DPH6: variants seen among roughly 807,000 people sequenced by gnomAD.
DPH6 encodes diphthine--ammonia ligase.
DPH6 carries 33 observed loss-of-function variants against 38.2 expected under a neutral mutation model. The observed-to-expected ratio is 0.86, with a 90% CI of 0.65 to 1.15. The LOEUF is 1.15. Among genes scored for constraint, DPH6 ranks in the 50% most tolerant of loss-of-function variants. DPH6 has a pLI of 0.00. For missense variants in DPH6, 325 were observed against 320.0 expected (o/e 1.02, Z -0.12); for synonymous variants, 108 against 103.0 (o/e 1.05, Z -0.30).
intron 2 of DPH6, among the ~76,000 whole-genome samples, chr15:35,541,509 G>C (rs1289755809): frequency 6.6e-6 from 1 of 152,036 alleles, no homozygotes; most frequent in Non-Finnish European, 1.5e-5. Flanking sequence ...TAAATTTACA[G>C]AATGCCTACT....
chr15:35,410,835 C>T lies in DPH6; in HGVS notation c.567G>A (p.Glu189=), dbSNP rs1197949357. The change falls in exon 6 of 9, where the codon GAG becomes GAA. Residue 189 remains glutamate (E), a splice_region_variant and synonymous_variant. Transcript: ENST00000256538. The part of the protein sequence containing the change: ...TLDQMEPYLI[E]LSKKYGVHVC... ...TTTGAGATCTAGTATAAATTCTTAC[C>T]TCTATGAGATAAGGCTCCATTTGAT... is the stretch of plus-strand genomic sequence containing the variant. 1.3e-6 allele frequency: 2 copies of T among 1,596,536 alleles called. No individual in the cohort carries two copies. Among genetic ancestry groups the T allele is most frequent in the Admixed American group, 1.7e-5 (1 of 58,106 alleles).
chr15:35,387,851 T>C (rs1019608877), intron 6 of DPH6, among the ~76,000 whole-genome samples: 4 of 152,146 alleles, frequency 2.6e-5, no homozygotes, highest in African/African-American at 7.2e-5. Flanking sequence ...TCCTGCCTGA[T>C]TGCCCTGGCC....
intron 3 of DPH6, among the ~76,000 whole-genome samples, chr15:35,496,555 C>CAAAAAAAAAAAA (rs1180094812): frequency 4.1e-5 from 2 of 49,254 alleles, no homozygotes; most frequent in African/African-American, 2.5e-4. Context: ...AGTTCCATCT[C>CAAAAAAAAAAAA]AAAAAAAAAA....
Position 35,451,838 on chromosome 15 carries a change from G to A in DPH6, c.387-1035C>T, listed in dbSNP as rs144006825. Among the ~76,000 whole-genome samples the A allele has an allele frequency of 7.4e-3, 1,121 of 152,130 alleles. 19 individuals carry two copies. The highest frequency in any genetic ancestry group is 0.026 in the African/African-American group (1,059 of 41,496). The stretch of plus-strand genomic sequence containing the variant: ...ATCCTGGCTAACACGGTGAAACCCC[G>A]TCTCTACTAAAAATACAAAAAATTA... On this transcript the variant is annotated intron_variant, in intron 4 of 8. Coordinates refer to ENST00000256538, the MANE Select transcript of DPH6 (RefSeq NM_080650.4).
chr15:35,433,356 T>C (rs925562410), intron 5 of DPH6, among the ~76,000 whole-genome samples: 1 of 152,158 alleles, frequency 6.6e-6, no homozygotes. Context: ...TTTATGAAGA[T>C]AGCTTTTCAA....
chr15:35,544,939 T>C (rs1002291977), intron 1 of DPH6, among the ~76,000 whole-genome samples: 1 of 152,248 alleles, frequency 6.6e-6, no homozygotes, highest in African/African-American at 2.4e-5. Context: ...TGGTTAAAGC[T>C]TAATCATTTA....
the DPH6 span, among the ~76,000 whole-genome samples, chr15:35,196,665 C>T: frequency 6.6e-6 from 1 of 152,204 alleles, no homozygotes; most frequent in Admixed American, 6.5e-5. Flanking sequence ...AGGCACTTGA[C>T]AATGTGTTGA....
At chr15:35,449,877 C>G (rs2053909225) in intron 5 of DPH6, among the ~76,000 whole-genome samples, 1 of 151,990 alleles carries the variant, frequency 6.6e-6, no homozygotes. Flanking sequence ...CTGAATGTAT[C>G]TGTAAAATCT....
At chr15:35,529,958 T>A (rs1340315646) in intron 3 of DPH6, among the ~76,000 whole-genome samples, 2 of 152,132 alleles carry the variant, frequency 1.3e-5, no homozygotes, top group Non-Finnish European at 2.9e-5. Context: ...TTTTGACGAT[T>A]TAATGATTTA....
chr15:35,233,605 C>G (rs2051533127), intron 3 of DPH6, among the ~76,000 whole-genome samples: 1 of 152,150 alleles, frequency 6.6e-6, no homozygotes, highest in South Asian at 2.1e-4. Flanking sequence ...TCCCTGGGAA[C>G]AGCTGAAGAA....
At chr15:35,174,040 T>C in the DPH6 span, among the ~76,000 whole-genome samples, 1 of 152,310 alleles carries the variant, frequency 6.6e-6, no homozygotes, top group East Asian at 1.9e-4. Flanking sequence ...ATTCTTCCAG[T>C]GTTATCGTGA....
intron 6 of DPH6, among the ~76,000 whole-genome samples, chr15:35,398,991 TA>T (rs1235898130): frequency 6.6e-6 from 1 of 152,088 alleles, no homozygotes; most frequent in African/African-American, 2.4e-5. Context: ...TCCCCTATAG[TA>T]AAACTCAGGG....
intron 3 of DPH6, among the ~76,000 whole-genome samples, chr15:35,355,370 C>T (rs1274565000): frequency 2.0e-5 from 3 of 152,188 alleles, no homozygotes; most frequent in African/African-American, 4.8e-5. Flanking sequence ...GATGCAGTTT[C>T]TTGCTAGCCT....
At chr15:35,257,772 TTG>T (rs60955022) in intron 3 of DPH6, among the ~76,000 whole-genome samples, 23 of 148,764 alleles carry the variant, frequency 1.5e-4, no homozygotes, top group African/African-American at 2.2e-4. Context: ...GGTCTCAGCT[TTG>T]TGTGTGTGTG....
chr15:35,488,461 A>G (rs2054433482), intron 3 of DPH6, among the ~76,000 whole-genome samples: 1 of 152,206 alleles, frequency 6.6e-6, no homozygotes, highest in South Asian at 2.1e-4. Context: ...GTGGAAGGCA[A>G]AGGAGAAGCA....
the DPH6 span, among the ~76,000 whole-genome samples, chr15:35,170,233 A>G: frequency 1.3e-5 from 2 of 152,234 alleles, no homozygotes; most frequent in African/African-American, 2.4e-5. Flanking sequence ...CCAGTTGGTC[A>G]GCAAAATGGT....
chr15:35,508,030 G>A (rs529391395), intron 3 of DPH6, among the ~76,000 whole-genome samples: 13 of 152,122 alleles, frequency 8.5e-5, no homozygotes, highest in African/African-American at 1.2e-4. Flanking sequence ...TTAAACCCTC[G>A]TATTTTCTGC....
At chr15:35,404,717 T>C (rs1425944613) in intron 6 of DPH6, among the ~76,000 whole-genome samples, 2 of 152,118 alleles carry the variant, frequency 1.3e-5, no homozygotes, top group Non-Finnish European at 2.9e-5. Flanking sequence ...CTGTGCAGCT[T>C]TTTAACTTGA....
At chr15:35,452,714 CAA>C (rs1352983207) in intron 4 of DPH6, among the ~76,000 whole-genome samples, 1 of 152,020 alleles carries the variant, frequency 6.6e-6, no homozygotes, top group Non-Finnish European at 1.5e-5. Flanking sequence ...TTAATAAATA[CAA>C]AAAGAATAAA....
Sources: allele counts gnomAD v4.1 joint callset (sites outside exome capture counted in the v4.1 genomes callset), GRCh38; gene constraint gnomAD v4.1.1; transcripts MANE v1.5; gene names NCBI Gene and HGNC (gene_info 2026-07-23, HGNC 2026-07-21).